The following RAD54L2 variants were observed in gnomAD, a reference collection of about 807,000 sequenced individuals.
RAD54L2 encodes the protein helicase ARIP4.
A neutral mutation model predicts 138.4 loss-of-function variants in RAD54L2; 27 were observed. The observed-to-expected ratio is 0.20, with a 90% CI of 0.14 to 0.27. The LOEUF is 0.27. Ranked by LOEUF, RAD54L2 falls within the 10% of genes least tolerant of loss-of-function variation. RAD54L2 has a pLI of 1.00. For missense variants in RAD54L2, 1,396 were observed against 1,890.2 expected (o/e 0.74, Z 4.85); for synonymous variants, 644 against 723.2 (o/e 0.89, Z 1.76).
intron 9 of RAD54L2, among the ~76,000 whole-genome samples, chr3:51,635,074 T>G (rs1206643632): frequency 1.3e-5 from 2 of 152,232 alleles, no homozygotes; most frequent in Non-Finnish European, 2.9e-5. Context: ...CCACATGCAA[T>G]CAGTGAAATA....
intron 3 of RAD54L2, among the ~76,000 whole-genome samples, chr3:51,601,572 C>T (rs1700081854): frequency 6.6e-6 from 1 of 151,838 alleles, no homozygotes; most frequent in South Asian, 2.1e-4. Context: ...TCCCAAAGTG[C>T]TGGGATTACA....
At chr3:51,539,067 TC>T (rs1222814297) in intron 1 of RAD54L2, among the ~76,000 whole-genome samples, 152 bp downstream of exon 1, 2 of 151,242 alleles carry the variant, frequency 1.3e-5, no homozygotes, top group Non-Finnish European at 3.0e-5. Context: ...GGGCACGGGG[TC>T]CCCCACCCGG....
chr3:51,593,832 T>C (rs1699893625), intron 3 of RAD54L2, among the ~76,000 whole-genome samples: 1 of 152,178 alleles, frequency 6.6e-6, no homozygotes, highest in African/African-American at 2.4e-5. Context: ...ATTTTGCCTT[T>C]CTTTTAGACT....
At chr3:51,559,353 A>G (rs1265045142) in intron 2 of RAD54L2, among the ~76,000 whole-genome samples, 1 of 152,228 alleles carries the variant, frequency 6.6e-6, no homozygotes, top group Non-Finnish European at 1.5e-5. Context: ...GTGCTTGCAT[A>G]AATCTTTCAT....
chr3:51,656,157 G>A lies in RAD54L2; in HGVS notation c.3213G>A (p.Val1071=). The change falls in exon 20 of 23, where the codon GTG becomes GTA. Residue 1071 remains valine, a synonymous_variant. Coordinates refer to ENST00000684192, the MANE Select transcript of RAD54L2 (RefSeq NM_015106.4). ...LQRAGVLVQK[V]VTTTDIVIPG... is the part of the protein sequence containing the mutation. ...GTGCAGGAGTCCTTGTGCAGAAGGT[G>A]GTCACCACGACAGGTGGGAACTCCT... The A allele has an allele frequency of 6.2e-7, 1 of 1,609,972 alleles. No individual in the cohort carries two copies.
rs1701866122 is a variant in RAD54L2, at chr3:51,664,251, C to T, written c.*831C>T. 1 of 152,156 alleles carries T rather than the reference C, an allele frequency of 6.6e-6. No individual in the cohort carries two copies. Among genetic ancestry groups the T allele is most frequent in the Non-Finnish European group, 1.5e-5 (1 of 68,024 alleles). 9.4% of individuals were successfully genotyped at this position (152,156 alleles called of 1,614,324 possible). A position where few individuals can be genotyped will look rare whatever the true frequency, so the allele number is the denominator to read the frequency against. On this transcript the variant is annotated 3_prime_UTR_variant, in exon 23 of 23. Coordinates refer to ENST00000684192, the MANE Select transcript of RAD54L2 (RefSeq NM_015106.4). Reference sequence around the variant, plus strand: ...GGGGAAATTCATGAGAGAAAATGGGCATTACCAATCTATGTCTCTTAACCC... The same window carrying T: ...GGGGAAATTCATGAGAGAAAATGGGTATTACCAATCTATGTCTCTTAACCC...
At chr3:51,653,141 AAAG>A (rs1701487785) in intron 19 of RAD54L2, among the ~76,000 whole-genome samples, 1 of 152,378 alleles carries the variant, frequency 6.6e-6, no homozygotes, top group Admixed American at 6.5e-5. Context: ...ACACTTTTCA[AAAG>A]AAGACATTTA....
chr3:51,612,118 A>G (rs1231227387), intron 3 of RAD54L2, among the ~76,000 whole-genome samples: 1 of 152,226 alleles, frequency 6.6e-6, no homozygotes, highest in African/African-American at 2.4e-5. Flanking sequence ...TTTTCTCATA[A>G]CTGATGGAAT....
chr3:51,590,332 C>T lies in RAD54L2; in HGVS notation c.-54-35C>T, dbSNP rs1234983631. ...AAAGACTTGTGTTCCTAAGCAAAAC[C>T]CTTGGTGATTCTGATGCCTTTCATC... On this transcript the variant is annotated intron_variant, in intron 2 of 22. Coordinates refer to ENST00000684192, the MANE Select transcript of RAD54L2 (RefSeq NM_015106.4). The T allele has an allele frequency of 4.3e-6, 6 of 1,400,558 alleles. 1 individual carries two copies. Among genetic ancestry groups the T allele is most frequent in the Non-Finnish European group, 5.7e-6 (6 of 1,059,366 alleles). The allele number at this position is 1,400,558 out of a possible 1,614,324, so 86.8% of individuals were successfully genotyped here.
intron 7 of RAD54L2, among the ~76,000 whole-genome samples, chr3:51,632,380 G>A (rs751438796): frequency 1.3e-5 from 2 of 151,928 alleles, no homozygotes; most frequent in Non-Finnish European, 2.9e-5. Flanking sequence ...TCCAATCTCC[G>A]CCTCCCAGGC....
intron 2 of RAD54L2, among the ~76,000 whole-genome samples, chr3:51,584,481 T>G (rs1297684836): frequency 6.6e-6 from 1 of 152,016 alleles, no homozygotes; most frequent in Admixed American, 6.6e-5. Flanking sequence ...AGGTTTGAAG[T>G]ATGCATTGGG....
At chr3:51,556,764 C>T (rs970807125) in intron 2 of RAD54L2, among the ~76,000 whole-genome samples, 7 of 151,956 alleles carry the variant, frequency 4.6e-5, no homozygotes, top group Non-Finnish European at 7.4e-5. Context: ...TTAGTATAGA[C>T]GGGGTTTCTC....
At chr3:51,611,791 C>T (rs943513999) in intron 3 of RAD54L2, among the ~76,000 whole-genome samples, 1 of 151,956 alleles carries the variant, frequency 6.6e-6, no homozygotes, top group Non-Finnish European at 1.5e-5. Flanking sequence ...CTCCTGACCT[C>T]GTGATCCACC....
At chr3:51,655,207 G>GT (rs35305142) in intron 19 of RAD54L2, among the ~76,000 whole-genome samples, 47 of 148,568 alleles carry the variant, frequency 3.2e-4, no homozygotes, top group Middle Eastern at 3.4e-3. Context: ...AGTCTTAAGG[G>GT]TTTTTTTTTT....
chr3:51,643,183 G>A (rs1449068583), intron 15 of RAD54L2, among the ~76,000 whole-genome samples: 1 of 151,976 alleles, frequency 6.6e-6, no homozygotes, highest in African/African-American at 2.4e-5. Context: ...TACAGGCACA[G>A]GCCACCATGC....
Position 51,667,045 on chromosome 3 carries a change from G to C in RAD54L2, c.*3625G>C, listed in dbSNP as rs1438284970. The C allele has an allele frequency of 6.6e-6, 1 of 152,256 alleles. No homozygotes were observed. Among genetic ancestry groups the C allele is most frequent in the Non-Finnish European group, 1.5e-5 (1 of 68,070 alleles). The allele number at this position is 152,256 out of a possible 1,614,324, so 9.4% of individuals were successfully genotyped here. A position where few individuals can be genotyped will look rare whatever the true frequency, so the allele number is the denominator to read the frequency against. ...AGTTGTCAGCAGAGAAGGGCCCTCTGTGTGAGTCTATTCAAACCTGGCATT... is the reference window on the plus strand; with the variant it reads ...AGTTGTCAGCAGAGAAGGGCCCTCTCTGTGAGTCTATTCAAACCTGGCATT... On this transcript the variant is annotated 3_prime_UTR_variant, in exon 23 of 23. Transcript: ENST00000684192.
At chr3:51,567,011 A>T (rs1699233963) in intron 2 of RAD54L2, among the ~76,000 whole-genome samples, 1 of 151,998 alleles carries the variant, frequency 6.6e-6, no homozygotes, top group African/African-American at 2.4e-5. Context: ...CTTTCATGAG[A>T]TTGTAACTCC....
chr3:51,655,965 T>C lies in RAD54L2; in HGVS notation c.3027-6T>C, dbSNP rs1398718162. ...CTCTTTTAGTGTCCTTGTCTTTCTC[T>C]TACAGGCAGCCAACTTTGAAGGGTG... On this transcript the variant is annotated splice_polypyrimidine_tract_variant and splice_region_variant and intron_variant, in intron 19 of 22. Transcript: ENST00000684192. 1 of 1,597,016 alleles carries C rather than the reference T, an allele frequency of 6.3e-7. No individual in the cohort carries two copies. Among genetic ancestry groups the C allele is most frequent in the Admixed American group, 1.7e-5 (1 of 58,450 alleles).
At chr3:51,639,203 A>C in intron 12 of RAD54L2, 1 of 575,766 alleles carries the variant, frequency 1.7e-6, no homozygotes, top group African/African-American at 1.9e-5. Context: ...GGCTCCTGGT[A>C]TGCATGCTGC....
Sources: allele counts gnomAD v4.1 joint callset (sites outside exome capture counted in the v4.1 genomes callset), GRCh38; gene constraint gnomAD v4.1.1; transcripts MANE v1.5; gene names NCBI Gene and HGNC (gene_info 2026-07-23, HGNC 2026-07-21).